SYNRG: variants seen among roughly 807,000 people sequenced by gnomAD.
The protein encoded by SYNRG is synergin gamma.
In SYNRG, 37 loss-of-function variants were observed where a neutral mutation model predicts 130.9. That is an observed-to-expected ratio of 0.28 (90% CI 0.22 to 0.37). The LOEUF is 0.37. Ranked by LOEUF, SYNRG falls within the 10% of genes least tolerant of loss-of-function variation. SYNRG has a pLI of 1.00. For missense variants in SYNRG, 1,338 were observed against 1,588.9 expected (o/e 0.84, Z 2.68); for synonymous variants, 539 against 568.1 (o/e 0.95, Z 0.73).
intron 3 of SYNRG, among the ~76,000 whole-genome samples, chr17:37,593,722 T>C (rs562211316): frequency 6.6e-6 from 1 of 151,884 alleles, no homozygotes; most frequent in South Asian, 2.1e-4. Flanking sequence ...CCATCTCTAC[T>C]AAAAATACAA....
chr17:37,538,177 G>A, intron 18 of SYNRG, 147 bp downstream of exon 18: 1 of 578,716 alleles, frequency 1.7e-6, no homozygotes, highest in Non-Finnish European at 3.0e-6. Flanking sequence ...TTTACTGCCT[G>A]TAGCTTGAGT....
At chr17:37,529,549 A>G (rs1002047043) in intron 19 of SYNRG, among the ~76,000 whole-genome samples, 109 of 145,766 alleles carry the variant, frequency 7.5e-4, no homozygotes, top group African/African-American at 2.5e-3. Flanking sequence ...AAAAAAAAAA[A>G]AAAAAAGAAA....
intron 5 of SYNRG, 138 bp downstream of exon 5, chr17:37,585,187 T>C: frequency 1.5e-6 from 1 of 672,582 alleles, no homozygotes. Flanking sequence ...CATTAGTAAT[T>C]AGGTAAACCA....
At chr17:37,594,278 A>T (rs1052148312) in intron 3 of SYNRG, among the ~76,000 whole-genome samples, 1 of 146,842 alleles carries the variant, frequency 6.8e-6, no homozygotes, top group Non-Finnish European at 1.5e-5. Context: ...AATAATATTA[A>T]TTTTAATTAT....
At chr17:37,555,328 C>A (rs1005001068) in intron 13 of SYNRG, among the ~76,000 whole-genome samples, 4 of 152,094 alleles carry the variant, frequency 2.6e-5, no homozygotes, top group African/African-American at 4.8e-5. Flanking sequence ...GGTTTCACCA[C>A]GTCACGTAGG....
At chr17:37,572,110 G>A in intron 8 of SYNRG, 123 bp from the exon 9 acceptor site, 1 of 817,392 alleles carries the variant, frequency 1.2e-6, no homozygotes, top group Non-Finnish European at 1.9e-6. Flanking sequence ...CCGAAGCCAT[G>A]TCAGGGTTTA....
chr17:37,585,009 T>G (rs2061589969), intron 5 of SYNRG, among the ~76,000 whole-genome samples: 1 of 152,238 alleles, frequency 6.6e-6, no homozygotes, highest in Admixed American at 6.5e-5. Flanking sequence ...AAGTGTCCTG[T>G]GAAGGCTCTA....
rs2060950741 is a variant in SYNRG at position 37,577,692 on chromosome 17, AT to A, written c.590-80del. 3.1e-4 allele frequency: 239 copies of A among 770,424 alleles called. No individual in the cohort carries two copies. In the Middle Eastern group the frequency reaches 5.4e-3, roughly 17 times the overall value. The allele number at this position is 770,424 out of a possible 1,614,324, so 47.7% of individuals were successfully genotyped here. On this transcript the variant is annotated intron_variant, in intron 6 of 21. Coordinates refer to ENST00000612223, the MANE Select transcript of SYNRG (RefSeq NM_007247.6). ...TTTAACCATCCATCTCCACCCCCAT[AT>A]TCTTTTTTTTTTTTTTTTTTTTTGA... is the stretch of plus-strand genomic sequence containing the variant.
intron 11 of SYNRG, among the ~76,000 whole-genome samples, chr17:37,563,073 G>T (rs1217988605): frequency 6.6e-6 from 1 of 152,002 alleles, no homozygotes; most frequent in Non-Finnish European, 1.5e-5. Context: ...TTCAAAAAAA[G>T]TTATGACTCA....
Position 37,567,286 on chromosome 17 carries a change from G to A in SYNRG, c.1481+1505C>T, listed in dbSNP as rs2060068249. On this transcript the variant is annotated intron_variant, in intron 11 of 21. Coordinates refer to ENST00000612223, the MANE Select transcript of SYNRG (RefSeq NM_007247.6). ...ATGGTGGTAAAGGAGAGATGACAGAGCCAAAGTAAATAGCATGCTTTTAAT... is the reference window on the plus strand; with the variant it reads ...ATGGTGGTAAAGGAGAGATGACAGAACCAAAGTAAATAGCATGCTTTTAAT... 2.0e-5 allele frequency: 3 copies of A among 152,218 alleles called. No homozygotes were observed. In the South Asian group the frequency reaches 6.2e-4, roughly 32 times the overall value. 9.4% of individuals were successfully genotyped at this position (152,218 alleles called of 1,614,324 possible).
intron 19 of SYNRG, among the ~76,000 whole-genome samples, chr17:37,530,415 G>A (rs2056499363): frequency 6.6e-6 from 1 of 152,160 alleles, no homozygotes; most frequent in African/African-American, 2.4e-5. Context: ...GTTCACAAAT[G>A]GTGACACATC....
intron 2 of SYNRG, among the ~76,000 whole-genome samples, chr17:37,598,114 C>T (rs755497575): frequency 6.6e-6 from 1 of 152,146 alleles, no homozygotes; most frequent in Non-Finnish European, 1.5e-5. Context: ...ATGAACAAAA[C>T]CAGGTCTTCA....
chr17:37,536,895 C>CT (rs1307193308), intron 18 of SYNRG: 1 of 152,282 alleles, frequency 6.6e-6, no homozygotes, highest in African/African-American at 2.4e-5. Flanking sequence ...CCCGATCTCT[C>CT]TAAGTGAACA....
intron 13 of SYNRG, among the ~76,000 whole-genome samples, chr17:37,559,356 T>C (rs1356123741): frequency 6.6e-6 from 1 of 152,002 alleles, no homozygotes; most frequent in Non-Finnish European, 1.5e-5. Flanking sequence ...ATAATAATGG[T>C]ACCAAGTACC....
intron 8 of SYNRG, among the ~76,000 whole-genome samples, chr17:37,574,798 T>G (rs1183815848): frequency 2.6e-5 from 4 of 152,020 alleles, no homozygotes. Context: ...AAGTACACTG[T>G]TGGTAGGAAT....
chr17:37,607,744 G>A lies in SYNRG; in HGVS notation c.77+1535C>T, dbSNP rs565560564. On this transcript the variant is annotated intron_variant, in intron 1 of 21. Transcript: ENST00000612223. ...GTCGAGGTTGCAGTGAGCCGACATCGTGCCACTGCACTCTAGCCTGGGTGA... is the reference window on the plus strand; with the variant it reads ...GTCGAGGTTGCAGTGAGCCGACATCATGCCACTGCACTCTAGCCTGGGTGA... Among the ~76,000 whole-genome samples the A allele has an allele frequency of 3.9e-5, 6 of 151,926 alleles. No homozygotes were observed. The East Asian group carries it at 7.7e-4, about 20-fold the overall frequency.
chr17:37,576,943 G>C (rs1044237908), intron 7 of SYNRG, among the ~76,000 whole-genome samples: 2 of 152,006 alleles, frequency 1.3e-5, no homozygotes, highest in African/African-American at 4.8e-5. Context: ...CATTTCTGAG[G>C]GTTGAATTTA....
At chr17:37,519,116 G>A (rs1318940447) in intron 21 of SYNRG, 45 bp from the exon 22 acceptor site, 1 of 1,594,646 alleles carries the variant, frequency 6.3e-7, no homozygotes, top group Non-Finnish European at 8.6e-7. Context: ...GGCTTTTTCT[G>A]CATCTCAGAG....
chr17:37,580,051 T>C (rs2061170351), intron 6 of SYNRG, among the ~76,000 whole-genome samples: 1 of 152,196 alleles, frequency 6.6e-6, no homozygotes, highest in African/African-American at 2.4e-5. Context: ...ATGATCTGTT[T>C]ATCTAGATAA....
Sources: allele counts gnomAD v4.1 joint callset (sites outside exome capture counted in the v4.1 genomes callset), GRCh38; gene constraint gnomAD v4.1.1; transcripts MANE v1.5; gene names NCBI Gene and HGNC (gene_info 2026-07-23, HGNC 2026-07-21).